Variants in CNOT6 observed in about 807,000 individuals in gnomAD.
CNOT6 encodes CCR4-NOT transcription complex subunit 6.
A neutral mutation model predicts 61.2 loss-of-function variants in CNOT6; 12 were observed. The ratio of observed to expected loss-of-function variants is 0.20; its 90% CI spans 0.13 to 0.32. The LOEUF is 0.32. Among genes scored for constraint, CNOT6 ranks in the 10% least tolerant of loss-of-function variants. The pLI is 1.00. For synonymous variants in CNOT6, 225 were observed against 240.6 expected (o/e 0.94, Z 0.60); for missense variants, 405 against 663.9 (o/e 0.61, Z 4.28).
chr5:180,567,716 G>A lies in CNOT6; in HGVS notation c.873-133G>A. On this transcript the variant is annotated intron_variant, in intron 8 of 11. Coordinates refer to ENST00000261951, the MANE Select transcript of CNOT6 (RefSeq NM_001370472.1). ...TGTGGGAAGCTTGATGCTGAACGTGGAGGATTTTCCGTAATGTGATTTAAG... is the reference window on the plus strand; with the variant it reads ...TGTGGGAAGCTTGATGCTGAACGTGAAGGATTTTCCGTAATGTGATTTAAG... 5 of 1,186,402 alleles carry A rather than the reference G, an allele frequency of 4.2e-6. No homozygotes were observed. In the South Asian group the frequency reaches 6.8e-5, roughly 16 times the overall value. 73.5% of individuals were successfully genotyped at this position (1,186,402 alleles called of 1,614,324 possible). A position where few individuals can be genotyped will look rare whatever the true frequency, so the allele number is the denominator to read the frequency against.
At chr5:180,532,085 CTCT>C (rs1758421098) in intron 2 of CNOT6, among the ~76,000 whole-genome samples, 3 of 152,306 alleles carry the variant, frequency 2.0e-5, no homozygotes, top group South Asian at 4.1e-4. Flanking sequence ...AGTGAAATTT[CTCT>C]TCTTCTCACC....
chr5:180,506,987 C>T (rs972886246), intron 1 of CNOT6, among the ~76,000 whole-genome samples: 64 of 152,196 alleles, frequency 4.2e-4, no homozygotes, highest in African/African-American at 1.5e-3. Flanking sequence ...GACATGTTTT[C>T]GAGGTTTAGC....
intron 9 of CNOT6, among the ~76,000 whole-genome samples, 195 bp from the exon 10 acceptor site, chr5:180,568,915 C>T (rs932843329): frequency 1.3e-5 from 2 of 152,160 alleles, no homozygotes; most frequent in Admixed American, 1.3e-4. Context: ...ATGCCCTGTG[C>T]TGGAAGCATC....
intron 2 of CNOT6, among the ~76,000 whole-genome samples, chr5:180,538,113 A>G (rs1275407848): frequency 1.4e-5 from 2 of 139,788 alleles, no homozygotes; most frequent in Admixed American, 8.0e-5. Flanking sequence ...ATCTCCGCAC[A>G]TTGTAAGCTC....
intron 2 of CNOT6, among the ~76,000 whole-genome samples, chr5:180,549,510 C>T (rs1759489032): frequency 6.6e-6 from 1 of 152,010 alleles, no homozygotes; most frequent in South Asian, 2.1e-4. Context: ...ATTAGCCGGG[C>T]ATGGTGGCGG....
chr5:180,552,755 A>C (rs528303007), intron 3 of CNOT6, among the ~76,000 whole-genome samples: 1 of 152,162 alleles, frequency 6.6e-6, no homozygotes, highest in Non-Finnish European at 1.5e-5. Context: ...TCACCCTTGA[A>C]GGTTCCTTTG....
chr5:180,533,342 A>ATATATC (rs1214827639), intron 2 of CNOT6, among the ~76,000 whole-genome samples: 3 of 113,366 alleles, frequency 2.6e-5, no homozygotes, highest in African/African-American at 9.6e-5. Flanking sequence ...ATATATATAT[A>ATATATC]TCACCGTAAT....
intron 1 of CNOT6, among the ~76,000 whole-genome samples, chr5:180,505,038 A>G (rs971596874): frequency 4.9e-5 from 7 of 143,604 alleles, no homozygotes; most frequent in Non-Finnish European, 7.5e-5. Flanking sequence ...GACTCGCTGC[A>G]AGCTCTGCCT....
chr5:180,508,602 G>A (rs1056680792), intron 1 of CNOT6, among the ~76,000 whole-genome samples: 5 of 151,850 alleles, frequency 3.3e-5, no homozygotes, highest in Admixed American at 1.3e-4. Flanking sequence ...GAGCTACCAC[G>A]CCCAGCCTAG....
intron 6 of CNOT6, 105 bp downstream of exon 6, chr5:180,564,848 T>G: frequency 1.1e-6 from 1 of 875,618 alleles, no homozygotes; most frequent in Non-Finnish European, 1.8e-6. Context: ...ACAAAATGTT[T>G]AAGGTTGGTT....
chr5:180,519,442 G>A (rs968253714), intron 1 of CNOT6, among the ~76,000 whole-genome samples: 10 of 152,164 alleles, frequency 6.6e-5, no homozygotes, highest in African/African-American at 1.7e-4. Context: ...GCAAAAGTTC[G>A]TGGGCTGTAT....
At chr5:180,519,679 G>T (rs533120348) in intron 1 of CNOT6, among the ~76,000 whole-genome samples, 3 of 151,686 alleles carry the variant, frequency 2.0e-5, no homozygotes, top group Non-Finnish European at 4.4e-5. Flanking sequence ...GATTTTTATC[G>T]CCACAAATAC....
chr5:180,547,130 G>T (rs959119184), intron 2 of CNOT6, among the ~76,000 whole-genome samples: 6 of 152,176 alleles, frequency 3.9e-5, no homozygotes, highest in Non-Finnish European at 8.8e-5. Context: ...GATTAGGGTT[G>T]CTCAAGCTTT....
intron 1 of CNOT6, among the ~76,000 whole-genome samples, chr5:180,496,397 T>G (rs1049173732): frequency 2.0e-5 from 3 of 151,978 alleles, no homozygotes; most frequent in African/African-American, 4.8e-5. Context: ...AAGGACCGGG[T>G]TTGTGTGCGT....
Position 180,571,219 on chromosome 5 carries a change from C to A in CNOT6, c.1259-11C>A. The stretch of plus-strand genomic sequence containing the variant: ...TATATTTGACAATAAAAAAATTTGT[C>A]TTCATTGTAGGTGTTGTAGAATATT... On this transcript the variant is annotated splice_polypyrimidine_tract_variant and intron_variant, in intron 10 of 11. Transcript: ENST00000261951. 6.3e-7 allele frequency: 1 copy of A among 1,593,814 alleles called. No homozygotes were observed. The highest frequency in any genetic ancestry group is 8.6e-7 in the Non-Finnish European group (1 of 1,166,400).
chr5:180,529,929 T>C (rs116445219), intron 2 of CNOT6, among the ~76,000 whole-genome samples: 818 of 152,348 alleles, frequency 5.4e-3, no homozygotes, highest in Non-Finnish European at 8.4e-3. Context: ...CCTTCCCCTT[T>C]TAATGCAATC....
chr5:180,519,231 C>T (rs1757780488), intron 1 of CNOT6, among the ~76,000 whole-genome samples: 1 of 152,164 alleles, frequency 6.6e-6, no homozygotes, highest in African/African-American at 2.4e-5. Context: ...GGGCTTATTG[C>T]AGGAGTTGAT....
chr5:180,542,986 C>A (rs1759119454), intron 2 of CNOT6, among the ~76,000 whole-genome samples: 2 of 152,268 alleles, frequency 1.3e-5, no homozygotes, highest in South Asian at 2.1e-4. Flanking sequence ...AGAGATATAT[C>A]TTTCTCTAGT....
At chr5:180,515,225 C>T (rs1308169973) in intron 1 of CNOT6, among the ~76,000 whole-genome samples, 1 of 151,372 alleles carries the variant, frequency 6.6e-6, no homozygotes, top group Non-Finnish European at 1.5e-5. Flanking sequence ...CAAGACCAGC[C>T]TGGGCAACAT....
Sources: allele counts gnomAD v4.1 joint callset (sites outside exome capture counted in the v4.1 genomes callset), GRCh38; gene constraint gnomAD v4.1.1; transcripts MANE v1.5; gene names NCBI Gene and HGNC (gene_info 2026-07-23, HGNC 2026-07-21).